The following ZFP2 variants were observed in gnomAD, a reference collection of about 807,000 sequenced individuals.
ZFP2 encodes the protein zinc finger protein ZFP2.
In ZFP2, 33 loss-of-function variants were observed where a neutral mutation model predicts 36.1. The observed-to-expected ratio is 0.92, with a 90% confidence interval of 0.69 to 1.22. The LOEUF (loss-of-function observed/expected upper bound fraction) is 1.22, where lower values mean the gene tolerates loss of function less well. ZFP2 is among the 50% of genes most tolerant of loss of function. The pLI is 0.00. For synonymous variants in ZFP2, 170 were observed against 178.0 expected (o/e 0.96, Z 0.36); for missense variants, 522 against 551.4 (o/e 0.95, Z 0.53).
At chr5:178,910,456 A>G (rs1173135699) in intron 1 of ZFP2, 16 of 713,574 alleles carry the variant, frequency 2.2e-5, no homozygotes, top group African/African-American at 1.4e-4. Context: ...TGACAAGGCT[A>G]TCTCTACTTG....
chr5:178,905,396 G>T (rs1417404074), intron 1 of ZFP2, among the ~76,000 whole-genome samples: 3 of 152,130 alleles, frequency 2.0e-5, no homozygotes, highest in Non-Finnish European at 2.9e-5. Flanking sequence ...AATGTGGATT[G>T]CTCAGTATCA....
intron 3 of ZFP2, among the ~76,000 whole-genome samples, chr5:178,915,008 A>G (rs1166018692): frequency 6.6e-6 from 1 of 152,144 alleles, no homozygotes; most frequent in Non-Finnish European, 1.5e-5. Flanking sequence ...CATTTTTTAA[A>G]TTTCTGTGAG....
chr5:178,921,305 T>C (rs1224850774), intron 4 of ZFP2, among the ~76,000 whole-genome samples: 4 of 152,202 alleles, frequency 2.6e-5, no homozygotes, highest in Non-Finnish European at 5.9e-5. Flanking sequence ...CTTTTGACTC[T>C]TCTGGCTACA....
chr5:178,908,242 A>T (rs2113069608), intron 1 of ZFP2, among the ~76,000 whole-genome samples: 1 of 152,170 alleles, frequency 6.6e-6, no homozygotes, highest in East Asian at 1.9e-4. Flanking sequence ...AGGTCAGGAG[A>T]TCGAGACAAT....
chr5:178,931,131 G>T, intron 4 of ZFP2, 106 bp from the exon 5 acceptor site: 1 of 1,260,826 alleles, frequency 7.9e-7, no homozygotes, highest in Non-Finnish European at 1.0e-6. Flanking sequence ...GTGCTCAGCA[G>T]TTATTTTAGT....
chr5:178,908,865 A>G (rs1014449088), intron 1 of ZFP2, among the ~76,000 whole-genome samples: 3 of 151,972 alleles, frequency 2.0e-5, no homozygotes, highest in South Asian at 2.1e-4. Context: ...TGGGAAAAAA[A>G]GCTGAGGCAG....
At chr5:178,902,518 G>A (rs1426133176) in intron 1 of ZFP2, among the ~76,000 whole-genome samples, 1 of 152,150 alleles carries the variant, frequency 6.6e-6, no homozygotes, top group African/African-American at 2.4e-5. Flanking sequence ...GATCTTCAAT[G>A]ACTTGGATAC....
intron 1 of ZFP2, among the ~76,000 whole-genome samples, chr5:178,906,817 G>A (rs755177321): frequency 6.6e-5 from 10 of 150,854 alleles, no homozygotes; most frequent in Non-Finnish European, 8.8e-5. Context: ...CTCAGCCTCC[G>A]AAAGTGCTGG....
chr5:178,932,798 A>C lies in ZFP2; in HGVS notation c.*99A>C. 1 of 1,420,598 alleles carries C rather than the reference A, an allele frequency of 7.0e-7. No individual in the cohort carries two copies. The highest frequency in any genetic ancestry group is 1.5e-5 in the South Asian group (1 of 64,954). The allele number at this position is 1,420,598 out of a possible 1,614,324, so 88.0% of individuals were successfully genotyped here. A position where few individuals can be genotyped will look rare whatever the true frequency, so the allele number is the denominator to read the frequency against. ...CCTAATAAATGTAATGATTGTGGGA[A>C]TCTTTCAGTTGAAGTACAATATGTC... On this transcript the variant is annotated 3_prime_UTR_variant, in exon 5 of 5. Transcript: ENST00000361362.
intron 1 of ZFP2, among the ~76,000 whole-genome samples, chr5:178,899,874 G>A (rs565830732): frequency 3.3e-5 from 5 of 152,064 alleles, no homozygotes; most frequent in Admixed American, 1.3e-4. Flanking sequence ...ATTAGGGGTC[G>A]TTGATTTATT....
intron 1 of ZFP2, chr5:178,909,571 T>G (rs530991793): frequency 1.4e-6 from 1 of 730,520 alleles, no homozygotes; most frequent in African/African-American, 1.8e-5. Context: ...CACGGCCTGG[T>G]GTTGAGTCTG....
At position 178,916,779 on chromosome 5, in the gene ZFP2, T is replaced by G. The variant is rs1758439473; in HGVS notation, c.-78+69T>G. The G allele has an allele frequency of 5.2e-6, 5 of 960,894 alleles. No homozygotes were observed. In the African/African-American group the frequency reaches 7.0e-5, roughly 14 times the overall value. 59.5% of individuals were successfully genotyped at this position (960,894 alleles called of 1,614,324 possible). The stretch of plus-strand genomic sequence containing the variant: ...AAAGGTGAAATAACATGTCAGAATC[T>G]GAACACATATCTTTTGTTTTGTTGG... On this transcript the variant is annotated intron_variant, in intron 4 of 4. Transcript: ENST00000361362.
chr5:178,908,300 T>C (rs1193633532), intron 1 of ZFP2, among the ~76,000 whole-genome samples: 2 of 151,850 alleles, frequency 1.3e-5, no homozygotes, highest in South Asian at 2.1e-4. Context: ...TACAAAAAAT[T>C]AGCTGGTGTG....
intron 1 of ZFP2, among the ~76,000 whole-genome samples, chr5:178,908,997 G>A (rs945308784): frequency 7.3e-5 from 11 of 150,238 alleles, no homozygotes; most frequent in African/African-American, 2.2e-4. Flanking sequence ...CTGCCCTGCC[G>A]CACCGTTATC....
intron 1 of ZFP2, chr5:178,910,579 C>G (rs1046990235): frequency 2.1e-6 from 1 of 473,048 alleles, no homozygotes; most frequent in African/African-American, 2.0e-5. Context: ...ATGAGGGATT[C>G]TTACACTTGG....
At chr5:178,922,844 T>G in intron 4 of ZFP2, 1 of 1,034,574 alleles carries the variant, frequency 9.7e-7, no homozygotes, top group South Asian at 1.8e-5. Context: ...CATGATGTGA[T>G]TGTAGCTTTT....
Position 178,905,106 on chromosome 5 carries a change from C to T in ZFP2, c.-449-7478C>T, listed in dbSNP as rs184141633. ...AATAGTCGAATTTTATTATGAAGTTCCAACAGTAATAGTAAAAAAGTAAAA... is the reference window on the plus strand; with the variant it reads ...AATAGTCGAATTTTATTATGAAGTTTCAACAGTAATAGTAAAAAAGTAAAA... On this transcript the variant is annotated intron_variant, in intron 1 of 4. Transcript: ENST00000361362. 2.0e-3 allele frequency among the ~76,000 whole-genome samples: 309 copies of T among 152,160 alleles called. 1 individual carries two copies. The highest frequency in any genetic ancestry group is 3.4e-3 in the Non-Finnish European group (233 of 68,006).
chr5:178,914,854 T>C (rs546629350), intron 3 of ZFP2, among the ~76,000 whole-genome samples: 5 of 152,262 alleles, frequency 3.3e-5, no homozygotes, highest in East Asian at 1.9e-4. Context: ...TGGGAGAACA[T>C]TGAGGACATA....
At chr5:178,908,600 T>G (rs1758221356) in intron 1 of ZFP2, among the ~76,000 whole-genome samples, 1 of 127,024 alleles carries the variant, frequency 7.9e-6, no homozygotes. Flanking sequence ...CCCCCCTCCC[T>G]GCTCTATGCC....
Sources: gnomAD v4.1 joint callset for allele counts (sites outside exome capture counted in the v4.1 genomes callset) on GRCh38, gnomAD v4.1.1 for gene constraint, MANE v1.5 for transcripts, NCBI Gene and HGNC (gene_info 2026-07-23, HGNC 2026-07-21) for gene names.